IL23R: variants seen among roughly 807,000 people sequenced by gnomAD.
The protein encoded by IL23R is interleukin-23 receptor.
A neutral mutation model predicts 56.9 loss-of-function variants in IL23R; 34 were observed. That is an observed-to-expected ratio of 0.60 (90% CI 0.45 to 0.80). The LOEUF (loss-of-function observed/expected upper bound fraction) is 0.80, where lower values mean the gene tolerates loss of function less well. IL23R is among the 30% of genes least tolerant of loss of function. The pLI is 0.00. For missense variants in IL23R, 635 were observed against 730.0 expected (o/e 0.87, Z 1.50); for synonymous variants, 230 against 249.2 (o/e 0.92, Z 0.73).
chr1:67,165,729 C>T (rs1466216437), upstream of IL23R, among the ~76,000 whole-genome samples: 3 of 152,126 alleles, frequency 2.0e-5, no homozygotes, highest in Admixed American at 6.5e-5. Flanking sequence ...ACAAATACTG[C>T]GTGATCTCAC....
upstream of IL23R, among the ~76,000 whole-genome samples, chr1:67,163,540 G>C (rs1173853970): frequency 6.6e-6 from 1 of 150,564 alleles, no homozygotes; most frequent in East Asian, 1.9e-4. Context: ...GTAATCCCCA[G>C]TGCTGGAGGT....
intron 1 of IL23R, among the ~76,000 whole-genome samples, chr1:67,159,695 C>T (rs553934379): frequency 6.6e-6 from 1 of 152,296 alleles, no homozygotes; most frequent in South Asian, 2.1e-4. Flanking sequence ...GAGTTTGAGG[C>T]TGTAGCATGC....
At chr1:67,176,889 T>C (rs189808723) in intron 3 of IL23R, among the ~76,000 whole-genome samples, 1 of 151,756 alleles carries the variant, frequency 6.6e-6, no homozygotes, top group Admixed American at 6.6e-5. Context: ...TGTGGTGTGA[T>C]AGTTTGCTGA....
Position 67,240,217 on chromosome 1 carries a change from G to T in IL23R, c.1084G>T (p.Val362Phe), listed in dbSNP as rs41313262. 1 of 1,612,876 alleles carries T rather than the reference G, an allele frequency of 6.2e-7. No homozygotes were observed. The highest frequency in any genetic ancestry group is 8.5e-7 in the Non-Finnish European group (1 of 1,179,034). The change falls in exon 9 of 11, where the codon GTC becomes TTC. Residue 362 changes from valine to phenylalanine, a missense_variant. Coordinates refer to ENST00000347310, the MANE Select transcript of IL23R (RefSeq NM_144701.3). ...CATTGGACTTTTATTGGGAATGATC[G>T]TCTTTGCTGTTATGTTGTCAATTCT... is the stretch of plus-strand genomic sequence containing the variant. ...GDIGLLLGMI[V>F]FAVMLSILSL... is the part of the protein sequence containing the mutation.
intron 4 of IL23R, among the ~76,000 whole-genome samples, chr1:67,197,586 G>A (rs904235474): frequency 4.6e-5 from 7 of 152,192 alleles, no homozygotes; most frequent in African/African-American, 1.7e-4. Flanking sequence ...AGTGAACAAG[G>A]GGTGGGACAA....
At chr1:67,217,138 A>G (rs932521924) in intron 6 of IL23R, among the ~76,000 whole-genome samples, 3 of 152,184 alleles carry the variant, frequency 2.0e-5, no homozygotes, top group African/African-American at 7.2e-5. Context: ...CTTATATTTA[A>G]CATAAGAAAA....
chr1:67,187,745 G>A (rs989621325), intron 4 of IL23R, among the ~76,000 whole-genome samples: 2 of 152,148 alleles, frequency 1.3e-5, no homozygotes, highest in African/African-American at 4.8e-5. Context: ...TACCAGTCAG[G>A]TGTCTTTTAT....
At chr1:67,153,554 G>T (rs1160505183) in intron 1 of IL23R, among the ~76,000 whole-genome samples, 2 of 152,070 alleles carry the variant, frequency 1.3e-5, no homozygotes, top group Non-Finnish European at 2.9e-5. Flanking sequence ...GATGATTTGA[G>T]ATCTTTCCAG....
chr1:67,203,717 T>C (rs1294050810), intron 5 of IL23R, among the ~76,000 whole-genome samples: 1 of 152,190 alleles, frequency 6.6e-6, no homozygotes, highest in Non-Finnish European at 1.5e-5. Context: ...TGAACTGTTC[T>C]ATGCCACTGA....
chr1:67,257,884 A>G (rs1261039450), intron 10 of IL23R, among the ~76,000 whole-genome samples: 1 of 151,948 alleles, frequency 6.6e-6, no homozygotes, highest in Non-Finnish European at 1.5e-5. Flanking sequence ...TTGTATTTTT[A>G]GTAGAGACAG....
intron 6 of IL23R, among the ~76,000 whole-genome samples, chr1:67,214,658 T>G (rs1649712290): frequency 6.6e-6 from 1 of 152,222 alleles, no homozygotes; most frequent in Admixed American, 6.5e-5. Context: ...TCCTTTCTAT[T>G]TTCTAAACAT....
intron 3 of IL23R, among the ~76,000 whole-genome samples, chr1:67,179,796 C>T (rs1031832620): frequency 6.6e-6 from 1 of 152,020 alleles, no homozygotes; most frequent in Non-Finnish European, 1.5e-5. Context: ...TTAAATGTGT[C>T]CCAGAGATTC....
downstream of IL23R, among the ~76,000 whole-genome samples, chr1:67,264,942 G>GT (rs200291044): frequency 4.6e-5 from 7 of 152,092 alleles, no homozygotes; most frequent in East Asian, 3.9e-4. Flanking sequence ...ATGAGACGGG[G>GT]TTGGGGGGGA....
intron 6 of IL23R, among the ~76,000 whole-genome samples, chr1:67,213,824 C>T (rs1649656527): frequency 6.6e-6 from 1 of 152,188 alleles, no homozygotes; most frequent in African/African-American, 2.4e-5. Context: ...CTCTAGTTAT[C>T]TCTTGAAAGA....
rs773754315 is a variant in IL23R at position 67,219,636 on chromosome 1, C to G, written c.861C>G (p.Asn287Lys). 2 of 1,614,038 alleles carry G rather than the reference C, an allele frequency of 1.2e-6. No individual in the cohort carries two copies. Among genetic ancestry groups the G allele is most frequent in the Non-Finnish European group, 1.7e-6 (2 of 1,179,898 alleles). ...VQQSEFYLEPNIKYVFQVRCQ... is the reference protein window; with the variant it reads ...VQQSEFYLEPKIKYVFQVRCQ... ...AGTCAGAATTCTACTTGGAGCCAAA[C>G]ATTAAGTACGTATTTCAAGTGAGAT... The change falls in exon 7 of 11, where the codon AAC becomes AAG. Residue 287 changes from asparagine (N) to lysine (K), a missense_variant. Coordinates refer to ENST00000347310, the MANE Select transcript of IL23R (RefSeq NM_144701.3).
At chr1:67,167,690 C>T (rs1646889794) in intron 1 of IL23R, among the ~76,000 whole-genome samples, 1 of 152,132 alleles carries the variant, frequency 6.6e-6, no homozygotes, top group African/African-American at 2.4e-5. Context: ...TGCCGCTGCA[C>T]TCCAGCCTGG....
intron 6 of IL23R, among the ~76,000 whole-genome samples, chr1:67,207,462 A>G (rs1649153846): frequency 6.6e-6 from 1 of 152,120 alleles, no homozygotes; most frequent in South Asian, 2.1e-4. Context: ...CGCAACTTGA[A>G]TTGTGTCTCC....
chr1:67,232,242 G>A (rs74082828), intron 7 of IL23R, among the ~76,000 whole-genome samples: 7,409 of 152,134 alleles, frequency 0.049, 614 homozygotes, highest in African/African-American at 0.17. Context: ...GAAAGTAGTC[G>A]GTTTTAAGAA....
chr1:67,262,093 C>T (rs1405085659), downstream of IL23R, among the ~76,000 whole-genome samples: 3 of 152,170 alleles, frequency 2.0e-5, no homozygotes, highest in Non-Finnish European at 4.4e-5. Context: ...ATGCAAACTT[C>T]GCGGGGGAGA....
Sources: gnomAD v4.1 joint callset for allele counts (sites outside exome capture counted in the v4.1 genomes callset) on GRCh38, gnomAD v4.1.1 for gene constraint, MANE v1.5 for transcripts, NCBI Gene and HGNC (gene_info 2026-07-23, HGNC 2026-07-21) for gene names.